The following MAPKAP1 variants were observed in gnomAD, a reference collection of about 807,000 sequenced individuals.
The protein encoded by MAPKAP1 is MAPK associated protein 1, also known as target of rapamycin complex 2 subunit MAPKAP1.
In MAPKAP1, 20 loss-of-function variants were observed where a neutral mutation model predicts 65.7. The observed-to-expected ratio is 0.30, with a 90% CI of 0.21 to 0.44. MAPKAP1 has a LOEUF of 0.44. Among genes scored for constraint, MAPKAP1 ranks in the 20% least tolerant of loss-of-function variants. The pLI is 1.00. For synonymous variants in MAPKAP1, 222 were observed against 244.3 expected, an observed-to-expected ratio of 0.91 and a Z score of 0.85; for missense variants, 423 against 648.0, an observed-to-expected ratio of 0.65 and a Z score of 3.77.
chr9:125,682,500 C>A (rs1374208385), intron 1 of MAPKAP1, among the ~76,000 whole-genome samples: 2 of 152,148 alleles, frequency 1.3e-5, no homozygotes, highest in Non-Finnish European at 2.9e-5. Context: ...CCTAACCACC[C>A]ACCACCCCCA....
intron 8 of MAPKAP1, among the ~76,000 whole-genome samples, chr9:125,486,817 G>A (rs992283910): frequency 1.6e-4 from 25 of 151,722 alleles, no homozygotes; most frequent in African/African-American, 5.6e-4. Context: ...ATTCTCTCCC[G>A]GCCCCTCCCT....
intron 4 of MAPKAP1, among the ~76,000 whole-genome samples, chr9:125,645,474 C>T (rs932464299): frequency 2.0e-5 from 3 of 152,216 alleles, no homozygotes; most frequent in East Asian, 3.9e-4. Context: ...CGGTGGCTCA[C>T]GCCTATGATC....
intron 7 of MAPKAP1, chr9:125,513,168 T>TGG (rs1829358082): frequency 6.6e-6 from 1 of 152,296 alleles, no homozygotes; most frequent in Non-Finnish European, 1.5e-5. Flanking sequence ...ATCAGCCTCC[T>TGG]GAGGAGCTGG....
At chr9:125,646,040 A>G (rs1833717118) in intron 4 of MAPKAP1, among the ~76,000 whole-genome samples, 1 of 152,214 alleles carries the variant, frequency 6.6e-6, no homozygotes, top group African/African-American at 2.4e-5. Flanking sequence ...TTAAAATGCT[A>G]ACCAAAAATG....
At chr9:125,698,292 T>TATA (rs1835466819) in intron 1 of MAPKAP1, among the ~76,000 whole-genome samples, 1 of 3,964 alleles carries the variant, frequency 2.5e-4, no homozygotes, top group African/African-American at 1.1e-3. Context: ...TATATAAATA[T>TATA]ATATATATAT....
At chr9:125,629,356 C>T (rs1189976843) in intron 4 of MAPKAP1, among the ~76,000 whole-genome samples, 3 of 152,070 alleles carry the variant, frequency 2.0e-5, no homozygotes, top group African/African-American at 7.2e-5. Flanking sequence ...ACCTAAATGT[C>T]CATAAAAAGA....
At chr9:125,617,531 A>G (rs1053524905) in intron 4 of MAPKAP1, among the ~76,000 whole-genome samples, 2 of 152,232 alleles carry the variant, frequency 1.3e-5, no homozygotes, top group African/African-American at 4.8e-5. Context: ...AAATACTTAT[A>G]AACAGCATTA....
chr9:125,511,940 C>T (rs1829313524), intron 7 of MAPKAP1, among the ~76,000 whole-genome samples: 1 of 152,180 alleles, frequency 6.6e-6, no homozygotes, highest in Non-Finnish European at 1.5e-5. Context: ...AATACCATGT[C>T]ACCGAATGGC....
At chr9:125,553,485 T>C (rs1830645467) in intron 6 of MAPKAP1, among the ~76,000 whole-genome samples, 1 of 151,518 alleles carries the variant, frequency 6.6e-6, no homozygotes, top group African/African-American at 2.4e-5. Flanking sequence ...GAGGTTGCAG[T>C]GAGCCAAGAT....
At chr9:125,450,140 C>T (rs1013947832) in intron 10 of MAPKAP1, among the ~76,000 whole-genome samples, 1 of 152,128 alleles carries the variant, frequency 6.6e-6, no homozygotes, top group Non-Finnish European at 1.5e-5. Flanking sequence ...GGGAGGGTCT[C>T]TTCTAACACA....
At chr9:125,456,435 A>G (rs952340933) in intron 10 of MAPKAP1, among the ~76,000 whole-genome samples, 36 of 152,156 alleles carry the variant, frequency 2.4e-4, no homozygotes, top group African/African-American at 8.7e-4. Context: ...CATAGAGTTC[A>G]CTGATTGTGG....
chr9:125,464,870 C>T (rs557593141), intron 10 of MAPKAP1, among the ~76,000 whole-genome samples: 17 of 152,304 alleles, frequency 1.1e-4, no homozygotes, highest in African/African-American at 2.2e-4. Flanking sequence ...TGCCTTATGA[C>T]GACCAAATTA....
At chr9:125,443,130 C>G (rs576955817) in intron 11 of MAPKAP1, among the ~76,000 whole-genome samples, 1 of 152,304 alleles carries the variant, frequency 6.6e-6, no homozygotes, top group South Asian at 2.1e-4. Context: ...AGCCTCTGGC[C>G]CAGGTCCTGC....
intron 1 of MAPKAP1, among the ~76,000 whole-genome samples, chr9:125,698,300 T>TATATATATAAA (rs1835474788): frequency 3.7e-4 from 6 of 16,148 alleles, no homozygotes; most frequent in African/African-American, 1.4e-3. Context: ...TATATATATA[T>TATATATATAAA]ATATATATAT....
intron 4 of MAPKAP1, among the ~76,000 whole-genome samples, chr9:125,602,893 G>A (rs772458031): frequency 4.6e-5 from 7 of 151,934 alleles, no homozygotes; most frequent in Non-Finnish European, 8.8e-5. Context: ...CTCTGATTCC[G>A]TTTTCTCTCC....
chr9:125,504,307 A>C (rs574046332), intron 8 of MAPKAP1, among the ~76,000 whole-genome samples: 1 of 152,226 alleles, frequency 6.6e-6, no homozygotes, highest in Non-Finnish European at 1.5e-5. Flanking sequence ...TTTGGGAATC[A>C]GTGATTTTTA....
chr9:125,632,267 C>T (rs1321304342), intron 4 of MAPKAP1, among the ~76,000 whole-genome samples: 2 of 151,232 alleles, frequency 1.3e-5, no homozygotes, highest in Admixed American at 6.6e-5. Context: ...AACTTTTCCT[C>T]TCATAGCATT....
chr9:125,540,816 T>C (rs1388404352), intron 7 of MAPKAP1, among the ~76,000 whole-genome samples: 1 of 152,242 alleles, frequency 6.6e-6, no homozygotes, highest in African/African-American at 2.4e-5. Flanking sequence ...AACAATTTTT[T>C]AAGTACTTTC....
At chr9:125,499,236 A>G (rs1419899137) in intron 8 of MAPKAP1, among the ~76,000 whole-genome samples, 1 of 152,236 alleles carries the variant, frequency 6.6e-6, no homozygotes, top group Non-Finnish European at 1.5e-5. Flanking sequence ...AAGGATAGGG[A>G]GGCTGTTCTA....
Sources: allele counts gnomAD v4.1 joint callset (sites outside exome capture counted in the v4.1 genomes callset), GRCh38; gene constraint gnomAD v4.1.1; transcripts MANE v1.5; gene names NCBI Gene and HGNC (gene_info 2026-07-23, HGNC 2026-07-21).